MDFIC: variants seen among roughly 807,000 people sequenced by gnomAD.
The protein encoded by MDFIC is myoD family inhibitor domain-containing protein.
In MDFIC, 17 loss-of-function variants were observed where a neutral mutation model predicts 23.2. The ratio of observed to expected loss-of-function variants is 0.73; its 90% confidence interval spans 0.50 to 1.10. MDFIC has a LOEUF of 1.10. Ranked by LOEUF, MDFIC falls within the 50% of genes least tolerant of loss-of-function variation. The pLI is 0.00. For synonymous variants in MDFIC, 120 were observed against 115.2 expected (o/e 1.04, Z -0.27); for missense variants, 356 against 316.6 (o/e 1.12, Z -0.95).
At chr7:114,967,025 T>G (rs1414417837) in intron 3 of MDFIC, among the ~76,000 whole-genome samples, 1 of 152,222 alleles carries the variant, frequency 6.6e-6, no homozygotes, top group East Asian at 1.9e-4. Flanking sequence ...AGTTCAAATT[T>G]TAAAAATTCT....
chr7:114,985,980 A>G (rs1305207306), intron 4 of MDFIC, among the ~76,000 whole-genome samples: 10 of 151,502 alleles, frequency 6.6e-5, no homozygotes, highest in African/African-American at 1.7e-4. Context: ...CCTGTAGCCA[A>G]TACTGCTATG....
chr7:114,932,905 T>G (rs2115713441), intron 2 of MDFIC, among the ~76,000 whole-genome samples: 1 of 152,356 alleles, frequency 6.6e-6, no homozygotes, highest in South Asian at 2.1e-4. Flanking sequence ...ACAATTATCT[T>G]ATTTGTGCCT....
chr7:114,934,860 G>T (rs1001796359), intron 2 of MDFIC, among the ~76,000 whole-genome samples: 1 of 152,098 alleles, frequency 6.6e-6, no homozygotes, highest in Non-Finnish European at 1.5e-5. Flanking sequence ...ATCCATTTTA[G>T]AATGTTAGGC....
chr7:114,980,700 T>G (rs1401642109), intron 4 of MDFIC, among the ~76,000 whole-genome samples: 2 of 152,242 alleles, frequency 1.3e-5, no homozygotes, highest in African/African-American at 4.8e-5. Context: ...ATGTATCTGA[T>G]ATACATATAT....
intron 3 of MDFIC, among the ~76,000 whole-genome samples, chr7:114,974,334 T>TA (rs1793265978): frequency 6.6e-6 from 1 of 152,090 alleles, no homozygotes; most frequent in East Asian, 1.9e-4. Context: ...TGTGTGTATA[T>TA]TTGTCCCATT....
intron 1 of MDFIC, 63 bp from the exon 2 acceptor site, chr7:114,922,864 C>T: frequency 6.7e-7 from 1 of 1,498,432 alleles, no homozygotes; most frequent in Non-Finnish European, 9.0e-7. Flanking sequence ...GAACGTCCCG[C>T]AGGGGTGGTG....
chr7:114,940,477 T>C lies in MDFIC; in HGVS notation c.95-1798T>C, dbSNP rs532660859. On this transcript the variant is annotated intron_variant, in intron 2 of 4. Transcript: ENST00000393486. ...TTCCATGGCTTGACATCATGCAGTT[T>C]TTCTTACTTCTCTAACTCCTTCCTA... is the stretch of plus-strand genomic sequence containing the variant. Among the ~76,000 whole-genome samples the C allele has an allele frequency of 7.9e-5, 12 of 152,372 alleles. No individual in the cohort carries two copies. In the South Asian group the frequency reaches 2.5e-3, roughly 32 times the overall value.
chr7:114,996,695 A>C (rs34808205), intron 4 of MDFIC, among the ~76,000 whole-genome samples: 12,017 of 152,196 alleles, frequency 0.079, 562 homozygotes, highest in South Asian at 0.15. Flanking sequence ...AAAGATCTTT[A>C]GGGCAAAGGG....
intron 3 of MDFIC, among the ~76,000 whole-genome samples, chr7:114,952,865 T>G (rs2115821030): frequency 6.6e-6 from 1 of 152,352 alleles, no homozygotes. Context: ...CTTTGCAGGT[T>G]ATCTTCACGA....
At chr7:115,011,156 G>A (rs1791673712) in intron 4 of MDFIC, among the ~76,000 whole-genome samples, 1 of 152,098 alleles carries the variant, frequency 6.6e-6, no homozygotes, top group Non-Finnish European at 1.5e-5. Context: ...TTAACTGCCT[G>A]GGTCCTGATC....
chr7:114,979,756 C>A lies in MDFIC; in HGVS notation c.468C>A (p.Ser156=). 6.2e-7 allele frequency: 1 copy of A among 1,613,704 alleles called. No individual in the cohort carries two copies. The highest frequency in any genetic ancestry group is 8.5e-7 in the Non-Finnish European group (1 of 1,179,736). ...SKKSKVNAVF[S]QKTGSSPEDC... ...AGAGCAAAGTAAATGCTGTCTTTTC[C>A]CAAAAGACAGGCTCTTCACCTGAAG... The change falls in exon 4 of 5, where the codon TCC becomes TCA. Residue 156 remains serine, a synonymous_variant. Coordinates refer to ENST00000393486, the MANE Select transcript of MDFIC (RefSeq NM_001166345.3).
At chr7:114,962,143 A>G (rs1385624679) in intron 3 of MDFIC, among the ~76,000 whole-genome samples, 2 of 152,190 alleles carry the variant, frequency 1.3e-5, no homozygotes, top group African/African-American at 4.8e-5. Context: ...ACAATAAATC[A>G]GGGATCTATA....
At chr7:115,014,636 C>A in intron 4 of MDFIC, 1 of 798,100 alleles carries the variant, frequency 1.3e-6, no homozygotes, top group Non-Finnish European at 1.6e-6. Flanking sequence ...AACAAGGAAC[C>A]CACACAAAAC....
chr7:114,985,775 G>A lies in MDFIC; in HGVS notation c.493+5994G>A, dbSNP rs577070809. Among the ~76,000 whole-genome samples the A allele has an allele frequency of 7.2e-5, 11 of 151,838 alleles. No individual in the cohort carries two copies. The East Asian group carries it at 1.4e-3, about 19-fold the overall frequency. The stretch of plus-strand genomic sequence containing the variant: ...TAAATTATTAGAGAAGATACTAGAT[G>A]AGTAGGAATGAACCAGTCTACGGAG... On this transcript the variant is annotated intron_variant, in intron 4 of 4. Transcript: ENST00000393486.
At chr7:114,965,338 A>C (rs1485744012) in intron 3 of MDFIC, among the ~76,000 whole-genome samples, 1 of 152,200 alleles carries the variant, frequency 6.6e-6, no homozygotes, top group Non-Finnish European at 1.5e-5. Context: ...TATCCTGGAG[A>C]TGGGTAAATA....
intron 4 of MDFIC, among the ~76,000 whole-genome samples, chr7:114,994,324 T>C (rs1170898054): frequency 6.6e-6 from 1 of 152,220 alleles, no homozygotes; most frequent in Non-Finnish European, 1.5e-5. Flanking sequence ...CCGTGTCTTT[T>C]AATTGGAGCA....
intron 4 of MDFIC, among the ~76,000 whole-genome samples, chr7:114,997,403 C>G (rs758786097): frequency 6.6e-6 from 1 of 150,878 alleles, no homozygotes; most frequent in Non-Finnish European, 1.5e-5. Context: ...TATGTGCATG[C>G]GTGCATGTGT....
chr7:114,979,392 G>A (rs1793375161), intron 3 of MDFIC, 114 bp from the exon 4 acceptor site: 2 of 1,050,244 alleles, frequency 1.9e-6, no homozygotes, highest in Admixed American at 3.1e-5. Flanking sequence ...TGCCTCTTCA[G>A]TGTTAGTATT....
intron 2 of MDFIC, chr7:114,923,663 C>G (rs1792136157): frequency 1.4e-6 from 2 of 1,415,576 alleles, no homozygotes; most frequent in South Asian, 1.6e-5. Flanking sequence ...GAAACACTTT[C>G]CAAGAATGAA....
Sources: gnomAD v4.1 joint callset for allele counts (sites outside exome capture counted in the v4.1 genomes callset) on GRCh38, gnomAD v4.1.1 for gene constraint, MANE v1.5 for transcripts, NCBI Gene and HGNC (gene_info 2026-07-23, HGNC 2026-07-21) for gene names.